The following KCNT2 variants were observed in gnomAD, a reference collection of about 807,000 sequenced individuals.
KCNT2 encodes potassium channel subfamily T member 2.
Under a neutral mutation model 153.8 loss-of-function variants are expected in KCNT2, and 67 were observed. That is an observed-to-expected ratio of 0.44 (90% CI 0.36 to 0.53). The LOEUF is 0.53. Among genes scored for constraint, KCNT2 ranks in the 20% least tolerant of loss-of-function variants. KCNT2 has a pLI of 0.00. For synonymous variants in KCNT2, 500 were observed against 458.8 expected (o/e 1.09, Z -1.15); for missense variants, 975 against 1,354.8 (o/e 0.72, Z 4.40).
chr1:196,269,490 T>G (rs1242340370), intron 25 of KCNT2, among the ~76,000 whole-genome samples: 2 of 152,160 alleles, frequency 1.3e-5, no homozygotes, highest in East Asian at 3.9e-4. Context: ...TCAAGTTTTA[T>G]ATCTCAGTAT....
At chr1:196,282,067 A>G (rs1243551221) in intron 24 of KCNT2, among the ~76,000 whole-genome samples, 1 of 152,102 alleles carries the variant, frequency 6.6e-6, no homozygotes, top group Admixed American at 6.5e-5. Context: ...TCAGCATTTT[A>G]CACAAAATGG....
intron 1 of KCNT2, among the ~76,000 whole-genome samples, chr1:196,592,202 G>A (rs1165687961): frequency 6.6e-6 from 1 of 151,852 alleles, no homozygotes; most frequent in Non-Finnish European, 1.5e-5. Context: ...ATGAGATTCT[G>A]TCATTTGCAA....
rs770356667 is a variant in KCNT2 at position 196,270,073 on chromosome 1, G to GT, written c.2910+10786dup. 4.7e-4 allele frequency among the ~76,000 whole-genome samples: 71 copies of GT among 152,022 alleles called. 1 individual carries two copies. The highest frequency in any genetic ancestry group is 3.4e-3 in the Middle Eastern group (1 of 294). ...TTCTTTCACTGTGCAGTAGTGGGAT[G>GT]TTTTTTATCTTTTCTAAAGGTATAG... On this transcript the variant is annotated intron_variant, in intron 25 of 27. Coordinates refer to ENST00000294725, the MANE Select transcript of KCNT2 (RefSeq NM_198503.5).
chr1:196,353,658 T>A (rs2148230848), intron 14 of KCNT2, among the ~76,000 whole-genome samples: 1 of 152,132 alleles, frequency 6.6e-6, no homozygotes, highest in Non-Finnish European at 1.5e-5. Flanking sequence ...GATTGCATTT[T>A]CAAGGCAAAT....
At chr1:196,496,343 C>T (rs1389409924) in intron 1 of KCNT2, among the ~76,000 whole-genome samples, 1 of 151,892 alleles carries the variant, frequency 6.6e-6, no homozygotes, top group Non-Finnish European at 1.5e-5. Context: ...TGGTGGGCAC[C>T]TGCAGTCCCA....
chr1:196,576,389 G>C (rs1007334371), intron 1 of KCNT2, among the ~76,000 whole-genome samples: 1 of 151,966 alleles, frequency 6.6e-6, no homozygotes, highest in Non-Finnish European at 1.5e-5. Context: ...TTTTCTATTT[G>C]AATCTACTGT....
At chr1:196,482,559 C>T (rs987663298) in intron 3 of KCNT2, among the ~76,000 whole-genome samples, 180 bp from the exon 4 acceptor site, 8 of 151,712 alleles carry the variant, frequency 5.3e-5, no homozygotes, top group African/African-American at 9.7e-5. Context: ...ATTTCTATTC[C>T]GATAAAAACT....
chr1:196,390,049 G>A (rs1558232336), intron 13 of KCNT2, among the ~76,000 whole-genome samples: 1 of 151,476 alleles, frequency 6.6e-6, no homozygotes, highest in Non-Finnish European at 1.5e-5. Flanking sequence ...ATTACAAAGC[G>A]CTGTTTTTAG....
At chr1:196,533,088 G>A (rs1572744793) in intron 1 of KCNT2, among the ~76,000 whole-genome samples, 4 of 152,076 alleles carry the variant, frequency 2.6e-5, no homozygotes, top group Admixed American at 2.6e-4. Flanking sequence ...TATAAACGAT[G>A]TATGAAATAA....
intron 22 of KCNT2, among the ~76,000 whole-genome samples, chr1:196,297,718 TG>T (rs1343184982): frequency 1.1e-4 from 17 of 152,322 alleles, no homozygotes; most frequent in African/African-American, 2.9e-4. Flanking sequence ...TCTTTCTTAA[TG>T]AATCAAACTC....
intron 12 of KCNT2, among the ~76,000 whole-genome samples, chr1:196,411,796 G>A (rs1355232003): frequency 6.6e-6 from 1 of 151,752 alleles, no homozygotes; most frequent in African/African-American, 2.4e-5. Context: ...ATCCACAGGG[G>A]TGGGGGATAT....
intron 4 of KCNT2, 115 bp from the exon 5 acceptor site, chr1:196,479,353 A>G: frequency 3.3e-6 from 2 of 611,680 alleles, no homozygotes; most frequent in East Asian, 3.0e-5. Flanking sequence ...ATATGGGTGT[A>G]TAATAGGACT....
intron 1 of KCNT2, among the ~76,000 whole-genome samples, chr1:196,541,016 A>T (rs1366439527): frequency 6.6e-6 from 1 of 152,024 alleles, no homozygotes; most frequent in Non-Finnish European, 1.5e-5. Context: ...CAGTGAGCCG[A>T]GATCGCGCCA....
intron 25 of KCNT2, among the ~76,000 whole-genome samples, chr1:196,261,156 A>C (rs1656990632): frequency 6.6e-6 from 1 of 151,850 alleles, no homozygotes; most frequent in African/African-American, 2.4e-5. Flanking sequence ...TCTAGTGGAA[A>C]TAGTATAGTG....
At chr1:196,554,181 T>C (rs908386743) in intron 1 of KCNT2, among the ~76,000 whole-genome samples, 6 of 151,030 alleles carry the variant, frequency 4.0e-5, no homozygotes, top group Non-Finnish European at 7.4e-5. Flanking sequence ...CAGAAATAAA[T>C]GAATTTGAAA....
intron 22 of KCNT2, among the ~76,000 whole-genome samples, chr1:196,300,491 G>A (rs1383772281): frequency 6.6e-6 from 1 of 152,062 alleles, no homozygotes; most frequent in Non-Finnish European, 1.5e-5. Flanking sequence ...ACTGAAATTA[G>A]GTCATAAGAT....
chr1:196,537,251 C>T (rs914964499), intron 1 of KCNT2, among the ~76,000 whole-genome samples: 6 of 152,170 alleles, frequency 3.9e-5, no homozygotes, highest in Non-Finnish European at 7.3e-5. Context: ...CCACAACATA[C>T]GGTGAGGCTA....
At chr1:196,418,328 T>A (rs1366183124) in intron 12 of KCNT2, among the ~76,000 whole-genome samples, 1 of 151,714 alleles carries the variant, frequency 6.6e-6, no homozygotes, top group Non-Finnish European at 1.5e-5. Context: ...ACACAAAAAA[T>A]AAAAATAAAT....
At chr1:196,529,368 T>G (rs945277742) in intron 1 of KCNT2, among the ~76,000 whole-genome samples, 3 of 152,120 alleles carry the variant, frequency 2.0e-5, no homozygotes, top group African/African-American at 7.2e-5. Context: ...TTTCGACCCC[T>G]TGATGTTACA....
Sources: gnomAD v4.1 joint callset for allele counts (sites outside exome capture counted in the v4.1 genomes callset) on GRCh38, gnomAD v4.1.1 for gene constraint, MANE v1.5 for transcripts, NCBI Gene and HGNC (gene_info 2026-07-23, HGNC 2026-07-21) for gene names.